GALNT17: variants seen among roughly 807,000 people sequenced by gnomAD.
The protein encoded by GALNT17 is polypeptide N-acetylgalactosaminyltransferase 17.
Under a neutral mutation model 63.7 loss-of-function variants are expected in GALNT17, and 29 were observed. That is an observed-to-expected ratio of 0.46 (90% CI 0.34 to 0.62). GALNT17 has a LOEUF of 0.62. Among genes scored for constraint, GALNT17 ranks in the 20% least tolerant of loss-of-function variants. The probability of loss-of-function intolerance (pLI) is 0.01; values close to 1 mark genes in which losing one functional copy is unlikely to be tolerated. For synonymous variants in GALNT17, 305 were observed against 318.3 expected (o/e 0.96, Z 0.45); for missense variants, 603 against 799.6 (o/e 0.75, Z 2.97).
chr7:71,294,140 C>T (rs2115836664), intron 1 of GALNT17, among the ~76,000 whole-genome samples: 1 of 141,414 alleles, frequency 7.1e-6, no homozygotes, highest in African/African-American at 2.7e-5. Flanking sequence ...CCAGCCTGGG[C>T]AACAGAGCGA....
chr7:71,185,698 G>A (rs1382382361), intron 1 of GALNT17, among the ~76,000 whole-genome samples: 2 of 151,792 alleles, frequency 1.3e-5, no homozygotes, highest in African/African-American at 4.8e-5. Flanking sequence ...TAGTGGAGAC[G>A]GGGTTTCACC....
intron 3 of GALNT17, among the ~76,000 whole-genome samples, chr7:71,394,699 A>G (rs1056825516): frequency 1.3e-5 from 2 of 152,154 alleles, no homozygotes; most frequent in Non-Finnish European, 2.9e-5. Flanking sequence ...GCACAGAGGT[A>G]TCACAGTCAT....
At chr7:71,646,644 G>C (rs1790679713) in intron 6 of GALNT17, among the ~76,000 whole-genome samples, 1 of 152,140 alleles carries the variant, frequency 6.6e-6, no homozygotes, top group African/African-American at 2.4e-5. Flanking sequence ...AAGCAAGTGA[G>C]AGGCTGAACC....
At chr7:71,629,421 C>T (rs1387791739) in intron 6 of GALNT17, among the ~76,000 whole-genome samples, 2 of 152,176 alleles carry the variant, frequency 1.3e-5, no homozygotes, top group African/African-American at 2.4e-5. Flanking sequence ...CATCATCTAA[C>T]AATCTTGGGA....
At chr7:71,538,259 T>C (rs1408293067) in intron 5 of GALNT17, among the ~76,000 whole-genome samples, 1 of 152,206 alleles carries the variant, frequency 6.6e-6, no homozygotes, top group Non-Finnish European at 1.5e-5. Context: ...TATGTTTTTA[T>C]GAGTCCACTT....
intron 5 of GALNT17, among the ~76,000 whole-genome samples, chr7:71,492,286 TAAATA>T (rs1223717607): frequency 6.6e-6 from 1 of 152,084 alleles, no homozygotes; most frequent in Admixed American, 6.5e-5. Context: ...TCAAAATAAA[TAAATA>T]AATTAATTAA....
Position 71,388,321 on chromosome 7 carries a change from G to A in GALNT17, c.509G>A (p.Arg170Gln), listed in dbSNP as rs773164136. 2.5e-6 allele frequency: 4 copies of A among 1,613,746 alleles called. No homozygotes were observed. Among genetic ancestry groups the A allele is most frequent in the Non-Finnish European group, 3.4e-6 (4 of 1,179,990 alleles). Reference sequence around the variant, plus strand: ...AACGAGGCCCTGTCGGTGATCCTGCGGTCCGTGCACAGTGCCGTCAATCAC... The same window carrying A: ...AACGAGGCCCTGTCGGTGATCCTGCAGTCCGTGCACAGTGCCGTCAATCAC... ...FVNEALSVIL[R>Q]SVHSAVNHTP... The change falls in exon 3 of 11, where the codon CGG (arginine) becomes CAG (glutamine). Residue 170 changes from arginine to glutamine, a missense_variant. This residue lies in a region of GALNT17 where 336 missense variants were observed against 507.8 expected (regional missense o/e 0.66). Coordinates refer to ENST00000333538, the MANE Select transcript of GALNT17 (RefSeq NM_022479.3).
chr7:71,473,795 T>C (rs773290170), intron 5 of GALNT17, among the ~76,000 whole-genome samples: 9 of 152,154 alleles, frequency 5.9e-5, no homozygotes, highest in Non-Finnish European at 1.0e-4. Context: ...TTATAATCTG[T>C]AAAATGGGGA....
intron 6 of GALNT17, among the ~76,000 whole-genome samples, chr7:71,632,633 G>A (rs1172747614): frequency 6.6e-6 from 1 of 152,120 alleles, no homozygotes; most frequent in African/African-American, 2.4e-5. Context: ...AGACATGGAT[G>A]GAAAATACAA....
At chr7:71,329,994 T>TACAC (rs1486251095) in intron 1 of GALNT17, among the ~76,000 whole-genome samples, 1 of 21,548 alleles carries the variant, frequency 4.6e-5, no homozygotes, top group African/African-American at 2.6e-4. Flanking sequence ...TGTATATATA[T>TACAC]ACATATATGT....
intron 5 of GALNT17, among the ~76,000 whole-genome samples, chr7:71,465,213 G>T (rs1787515383): frequency 6.6e-6 from 1 of 152,178 alleles, no homozygotes; most frequent in Non-Finnish European, 1.5e-5. Context: ...ATGCTTACTT[G>T]TGGGTATACC....
intron 1 of GALNT17, among the ~76,000 whole-genome samples, chr7:71,156,536 A>G (rs540335825): frequency 6.6e-4 from 100 of 151,220 alleles, no homozygotes; most frequent in Non-Finnish European, 1.1e-3. Context: ...TTGAGTTGTC[A>G]TAAGGCTGTT....
intron 5 of GALNT17, among the ~76,000 whole-genome samples, chr7:71,517,950 AG>A (rs1788470459): frequency 6.6e-6 from 1 of 152,184 alleles, no homozygotes; most frequent in Admixed American, 6.5e-5. Context: ...TGTGGGGAAC[AG>A]GTTTGGGTGA....
chr7:71,371,376 T>C (rs562367077), intron 2 of GALNT17, among the ~76,000 whole-genome samples: 1 of 152,352 alleles, frequency 6.6e-6, no homozygotes, highest in East Asian at 1.9e-4. Context: ...TCATTGTTTT[T>C]TACTTTGAAT....
chr7:71,595,733 G>A (rs1002329565), intron 6 of GALNT17, among the ~76,000 whole-genome samples: 8 of 150,756 alleles, frequency 5.3e-5, no homozygotes, highest in Admixed American at 4.6e-4. Context: ...CTAACCAGAA[G>A]GTCAGGCAGC....
intron 9 of GALNT17, among the ~76,000 whole-genome samples, chr7:71,701,747 A>G (rs1183063313): frequency 4.8e-5 from 1 of 20,664 alleles, no homozygotes; most frequent in Admixed American, 8.4e-4. Context: ...ATATGTGTAT[A>G]TATATGTATA....
chr7:71,168,904 G>C (rs1328683909), intron 1 of GALNT17, among the ~76,000 whole-genome samples: 2 of 152,150 alleles, frequency 1.3e-5, no homozygotes, highest in Non-Finnish European at 2.9e-5. Flanking sequence ...TCTTTTAAAT[G>C]TATTGTTGAA....
chr7:71,148,359 A>G (rs1713520000), intron 1 of GALNT17, among the ~76,000 whole-genome samples: 1 of 152,180 alleles, frequency 6.6e-6, no homozygotes, highest in African/African-American at 2.4e-5. Flanking sequence ...CAGTGGCCAC[A>G]TCTGCTCTTA....
At chr7:71,319,086 A>G (rs1399130499) in intron 1 of GALNT17, among the ~76,000 whole-genome samples, 1 of 40,808 alleles carries the variant, frequency 2.5e-5, no homozygotes, top group Admixed American at 2.2e-4. Flanking sequence ...TTGCTGAGCT[A>G]TTTTTGTTTA....
Sources: gnomAD v4.1 joint callset for allele counts (sites outside exome capture counted in the v4.1 genomes callset) on GRCh38, gnomAD v4.1.1 for gene constraint, gnomAD v4.1.1 regional missense constraint, MANE v1.5 for transcripts, NCBI Gene and HGNC (gene_info 2026-07-23, HGNC 2026-07-21) for gene names.